EPHA6: variants seen among roughly 807,000 people sequenced by gnomAD.
EPHA6 encodes the protein EPH receptor A6.
A neutral mutation model predicts 112.0 loss-of-function variants in EPHA6; 50 were observed. The ratio of observed to expected loss-of-function variants is 0.45; its 90% CI spans 0.36 to 0.56. The LOEUF is 0.56. Ranked by LOEUF, EPHA6 falls within the 20% of genes least tolerant of loss-of-function variation. The probability of loss-of-function intolerance (pLI) is 0.00; values close to 1 mark genes in which losing one functional copy is unlikely to be tolerated. For synonymous variants in EPHA6, 529 were observed against 490.7 expected (o/e 1.08, Z -1.03); for missense variants, 1,280 against 1,417.4 (o/e 0.90, Z 1.56).
chr3:97,730,480 A>G (rs1652282063), intron 15 of EPHA6, among the ~76,000 whole-genome samples: 1 of 152,052 alleles, frequency 6.6e-6, no homozygotes, highest in African/African-American at 2.4e-5. Context: ...TTACATTATA[A>G]CCTTGTATAA....
At chr3:97,004,044 T>C (rs920534082) in intron 3 of EPHA6, among the ~76,000 whole-genome samples, 2 of 152,152 alleles carry the variant, frequency 1.3e-5, no homozygotes, top group East Asian at 1.9e-4. Flanking sequence ...CAGTCTAACA[T>C]TGATGGGCAT....
intron 5 of EPHA6, among the ~76,000 whole-genome samples, chr3:97,395,530 G>A (rs2086648914): frequency 1.3e-5 from 2 of 151,764 alleles, no homozygotes; most frequent in Admixed American, 6.6e-5. Flanking sequence ...AAACACTGTT[G>A]TGTGCTTCTG....
intron 3 of EPHA6, among the ~76,000 whole-genome samples, chr3:97,043,096 C>A (rs2045374153): frequency 6.6e-6 from 1 of 151,942 alleles, no homozygotes; most frequent in African/African-American, 2.4e-5. Context: ...TTCCTTTTTT[C>A]CCCCAGGAAA....
In EPHA6 at chr3:97,252,433, G is replaced by A. The variant is rs527288942; in HGVS notation, c.1606+8146G>A. 3.0e-4 allele frequency among the ~76,000 whole-genome samples: 46 copies of A among 151,960 alleles called. No individual in the cohort carries two copies. The South Asian group carries it at 6.6e-3, about 22-fold the overall frequency. ...CTCACACACATACACACACACACGC[G>A]CGCGCACGCACAGGCACACCCACAC... On this transcript the variant is annotated intron_variant, in intron 5 of 17. Coordinates refer to ENST00000389672, the MANE Select transcript of EPHA6 (RefSeq NM_001080448.3).
At chr3:97,428,032 A>G (rs983793499) in intron 6 of EPHA6, among the ~76,000 whole-genome samples, 1 of 151,432 alleles carries the variant, frequency 6.6e-6, no homozygotes, top group Non-Finnish European at 1.5e-5. Flanking sequence ...AAACCTGCAC[A>G]TGTATTTCCT....
intron 13 of EPHA6, among the ~76,000 whole-genome samples, chr3:97,618,878 A>G (rs1029579213): frequency 6.6e-6 from 1 of 152,072 alleles, no homozygotes; most frequent in African/African-American, 2.4e-5. Flanking sequence ...TACTAAAAAA[A>G]TTGAAAAGGA....
intron 16 of EPHA6, among the ~76,000 whole-genome samples, chr3:97,738,542 T>C (rs150003456): frequency 6.6e-6 from 1 of 152,156 alleles, no homozygotes; most frequent in East Asian, 1.9e-4. Flanking sequence ...TGATGAAGAA[T>C]GTAAGATGAG....
Position 97,760,011 on chromosome 3 carries a change from A to C in EPHA6, c.*11310A>C, listed in dbSNP as rs1349484837. 5.4e-6 allele frequency: 1 copy of C among 186,238 alleles called. No individual in the cohort carries two copies. The highest frequency in any genetic ancestry group is 2.3e-5 in the African/African-American group (1 of 42,688). The allele number at this position is 186,238 out of a possible 1,614,324, so 11.5% of individuals were successfully genotyped here. A position where few individuals can be genotyped will look rare whatever the true frequency, so the allele number is the denominator to read the frequency against. On this transcript the variant is annotated 3_prime_UTR_variant, in exon 18 of 18. Transcript: ENST00000389672. ...TCATCTATTACAGATTAAAAGGCAG[A>C]AACATTTTGTAGCTAATCTGTTATA...
chr3:97,237,113 C>A (rs955545257), intron 4 of EPHA6, among the ~76,000 whole-genome samples: 8 of 151,852 alleles, frequency 5.3e-5, no homozygotes, highest in Non-Finnish European at 1.2e-4. Flanking sequence ...ACAGACAATG[C>A]AGCATTCACG....
intron 5 of EPHA6, among the ~76,000 whole-genome samples, chr3:97,305,737 G>A (rs549111723): frequency 9.2e-4 from 140 of 151,892 alleles, no homozygotes; most frequent in East Asian, 1.6e-3. Context: ...GGGAGCGAGA[G>A]CATTAAAATA....
chr3:97,357,368 A>C (rs1040381702), intron 5 of EPHA6, among the ~76,000 whole-genome samples: 2 of 152,036 alleles, frequency 1.3e-5, no homozygotes, highest in African/African-American at 2.4e-5. Flanking sequence ...CACCATGCCA[A>C]GCTAGTTTCT....
chr3:97,628,007 G>A (rs1190072282), intron 13 of EPHA6, among the ~76,000 whole-genome samples: 1 of 151,934 alleles, frequency 6.6e-6, no homozygotes, highest in African/African-American at 2.4e-5. Context: ...TCTTCTCTGA[G>A]TAATATGGGA....
At chr3:96,821,746 T>C (rs976633133) in intron 1 of EPHA6, among the ~76,000 whole-genome samples, 2 of 151,890 alleles carry the variant, frequency 1.3e-5, no homozygotes, top group Non-Finnish European at 2.9e-5. Flanking sequence ...AGAAGATTTA[T>C]GTAAAGATTT....
intron 5 of EPHA6, among the ~76,000 whole-genome samples, chr3:97,337,700 A>G (rs562097937): frequency 6.6e-6 from 1 of 152,314 alleles, no homozygotes; most frequent in South Asian, 2.1e-4. Flanking sequence ...TTATAACTGG[A>G]AAAATGAGTC....
At chr3:97,658,564 T>G (rs1435770588) in intron 14 of EPHA6, among the ~76,000 whole-genome samples, 1 of 152,020 alleles carries the variant, frequency 6.6e-6, no homozygotes, top group East Asian at 1.9e-4. Flanking sequence ...ATCTCTAAAG[T>G]CAATGGGGTT....
In EPHA6 at chr3:97,758,099, T is replaced by G. The variant is rs1009904842; in HGVS notation, c.*9398T>G. Reference sequence around the variant, plus strand: ...ATTTTTTATAGTTACTTCTCACTACTTACTGCTTATTCAGTTTGTAAAATC... The same window carrying G: ...ATTTTTTATAGTTACTTCTCACTACGTACTGCTTATTCAGTTTGTAAAATC... On this transcript the variant is annotated 3_prime_UTR_variant, in exon 18 of 18. Coordinates refer to ENST00000389672, the MANE Select transcript of EPHA6 (RefSeq NM_001080448.3). 6.6e-6 allele frequency among the ~76,000 whole-genome samples: 1 copy of G among 152,016 alleles called. No homozygotes were observed. The highest frequency in any genetic ancestry group is 1.9e-4 in the East Asian group (1 of 5,204).
At chr3:96,843,758 A>G (rs1170572869) in intron 1 of EPHA6, among the ~76,000 whole-genome samples, 3 of 152,102 alleles carry the variant, frequency 2.0e-5, no homozygotes, top group Non-Finnish European at 2.9e-5. Flanking sequence ...CACTGTGAGT[A>G]TATCATGGAA....
chr3:97,486,552 C>T (rs2091703670), intron 10 of EPHA6, among the ~76,000 whole-genome samples: 1 of 152,132 alleles, frequency 6.6e-6, no homozygotes, highest in Non-Finnish European at 1.5e-5. Context: ...TGCATCATAA[C>T]ATGGTGGAAG....
At chr3:97,495,714 C>T (rs755962196) in intron 10 of EPHA6, among the ~76,000 whole-genome samples, 8 of 152,106 alleles carry the variant, frequency 5.3e-5, no homozygotes, top group Non-Finnish European at 1.2e-4. Context: ...GAGCTCAGCA[C>T]TCCCTGTGCA....
Sources: allele counts gnomAD v4.1 joint callset (sites outside exome capture counted in the v4.1 genomes callset), GRCh38; gene constraint gnomAD v4.1.1; transcripts MANE v1.5; gene names NCBI Gene and HGNC (gene_info 2026-07-23, HGNC 2026-07-21).